The following MICALL2 variants were observed in gnomAD, a reference collection of about 807,000 sequenced individuals.
MICALL2 encodes the protein MICAL like 2, also known as MICAL-like protein 2.
Under a neutral mutation model 91.1 loss-of-function variants are expected in MICALL2, and 111 were observed. The ratio of observed to expected loss-of-function variants is 1.22; its 90% confidence interval spans 1.04 to 1.43. The LOEUF is 1.43. Ranked by LOEUF, MICALL2 falls within the 40% of genes most tolerant of loss-of-function variation. The pLI, the probability that MICALL2 is intolerant of heterozygous loss-of-function variation, is 0.00. For synonymous variants in MICALL2, 694 were observed against 525.3 expected, an observed-to-expected ratio of 1.32 and a Z score of -4.39; for missense variants, 1,556 against 1,236.0, an observed-to-expected ratio of 1.26 and a Z score of -3.88.
chr7:1,440,666 T>C lies in MICALL2; in HGVS notation c.1730A>G (p.Gln577Arg). ...TLTQDMSTSL[Q>R]EGQEDGPAGW... ...TGCCGGCCCGTCCTCCTGGCCTTCCTGGAGGCTGGTGCTCATGTCTGGGTG... is the reference window on the plus strand; with the variant it reads ...TGCCGGCCCGTCCTCCTGGCCTTCCCGGAGGCTGGTGCTCATGTCTGGGTG... The change falls in exon 8 of 17, where the codon CAG becomes CGG. Residue 577 changes from glutamine (Q) to arginine (R), a missense_variant. Coordinates refer to ENST00000297508, the MANE Select transcript of MICALL2 (RefSeq NM_182924.4). The C allele has an allele frequency of 6.2e-7, 1 of 1,612,022 alleles. No homozygotes were observed. Among genetic ancestry groups the C allele is most frequent in the Non-Finnish European group, 8.5e-7 (1 of 1,179,810 alleles).
chr7:1,445,713 A>G (rs1332253349), intron 5 of MICALL2, among the ~76,000 whole-genome samples: 1 of 152,210 alleles, frequency 6.6e-6, no homozygotes, highest in Non-Finnish European at 1.5e-5. Context: ...TGCAAACCCC[A>G]GAGGGTGCTT....
rs758333198 is a variant in MICALL2, at chr7:1,444,888, G to A, written c.1182C>T (p.Ser394=). The part of the protein sequence containing the change: ...VAAPQTTLSS[S]STSAATVDPP... ...GGTCCACCGTGGCTGCAGATGTGGA[G>A]CTTGAACTGAGTGTGGTTTGAGGAG... Residue 394 remains serine (S), a synonymous_variant, in exon 6 of 17, where the codon AGC becomes AGT. Transcript: ENST00000297508. 3.2e-6 allele frequency: 5 copies of A among 1,582,920 alleles called. No individual in the cohort carries two copies. The East Asian group carries it at 6.8e-5, about 22-fold the overall frequency.
intron 16 of MICALL2, 120 bp downstream of exon 16, chr7:1,434,981 A>AGGGCCCCCCC: frequency 2.7e-6 from 1 of 372,302 alleles, no homozygotes; most frequent in Non-Finnish European, 4.9e-6. Flanking sequence ...GGGACCCGAT[A>AGGGCCCCCCC]CCCGCCCCCC....
rs566540682 is a variant in MICALL2 at position 1,435,013 on chromosome 7, C to T, written c.2638+88G>A. 4.1e-4 allele frequency: 271 copies of T among 664,780 alleles called. 1 individual carries two copies. Among genetic ancestry groups the T allele is most frequent in the South Asian group, 8.9e-4 (56 of 62,972 alleles). 41.2% of individuals were successfully genotyped at this position (664,780 alleles called of 1,614,324 possible). A position where few individuals can be genotyped will look rare whatever the true frequency, so the allele number is the denominator to read the frequency against. On this transcript the variant is annotated intron_variant, in intron 16 of 16. Coordinates refer to ENST00000297508, the MANE Select transcript of MICALL2 (RefSeq NM_182924.4). ...CCCCCCCCACCCCCAGCTGGAGGCC[C>T]GGTCCACCCAGCCAGCCAGCCCAGC...
At chr7:1,459,089 T>C in intron 1 of MICALL2, 95 bp downstream of exon 1, 3 of 1,327,504 alleles carry the variant, frequency 2.3e-6, no homozygotes, top group Non-Finnish European at 3.1e-6. Flanking sequence ...ACGCCTCGGC[T>C]CCCCATCCCC....
At chr7:1,450,996 G>A (rs990387714) in intron 1 of MICALL2, among the ~76,000 whole-genome samples, 4 of 152,316 alleles carry the variant, frequency 2.6e-5, no homozygotes, top group African/African-American at 4.8e-5. Flanking sequence ...GTCACACAGC[G>A]GGGAGACAGC....
At chr7:1,455,383 C>T (rs998495000) in intron 1 of MICALL2, among the ~76,000 whole-genome samples, 3 of 152,304 alleles carry the variant, frequency 2.0e-5, no homozygotes, top group Non-Finnish European at 4.4e-5. Flanking sequence ...CGGGGGCAGG[C>T]GCCCTGAGGC....
chr7:1,439,349 C>A, intron 9 of MICALL2: 2 of 259,480 alleles, frequency 7.7e-6, no homozygotes, highest in South Asian at 9.0e-5. Context: ...GACACACATG[C>A]ATCACATTCA....
chr7:1,438,430 C>T, intron 10 of MICALL2, 77 bp from the exon 11 acceptor site: 1 of 1,540,052 alleles, frequency 6.5e-7, no homozygotes, highest in South Asian at 1.2e-5. Context: ...TTGGAAGGAG[C>T]CTGACCTCAG....
intron 1 of MICALL2, 191 bp from the exon 2 acceptor site, chr7:1,450,479 CTG>C (rs1267474245): frequency 5.0e-6 from 3 of 599,274 alleles, no homozygotes; most frequent in Non-Finnish European, 9.2e-6. Context: ...CACGGTGATG[CTG>C]CTGGGACCGT....
At chr7:1,458,179 G>A (rs1231714891) in intron 1 of MICALL2, among the ~76,000 whole-genome samples, 1 of 152,240 alleles carries the variant, frequency 6.6e-6, no homozygotes, top group Non-Finnish European at 1.5e-5. Flanking sequence ...CAGGGGCACA[G>A]GGGAGGAGCC....
chr7:1,439,837 G>A, intron 9 of MICALL2, 88 bp downstream of exon 9: 1 of 1,164,376 alleles, frequency 8.6e-7, no homozygotes, highest in Non-Finnish European at 1.1e-6. Context: ...CCCAGGAGGT[G>A]GCACTACAGG....
intron 7 of MICALL2, chr7:1,441,740 A>G: frequency 5.0e-6 from 1 of 200,942 alleles, no homozygotes; most frequent in Non-Finnish European, 1.0e-5. Context: ...GACGGGGCAT[A>G]GGGCACCATC....
intron 2 of MICALL2, among the ~76,000 whole-genome samples, chr7:1,449,000 G>A (rs928343652): frequency 9.9e-5 from 15 of 152,132 alleles, no homozygotes; most frequent in African/African-American, 1.9e-4. Context: ...TCAAGGCCCC[G>A]TCCAGGTGAA....
chr7:1,455,522 G>GCAGTGGCTCGCGCCCA (rs1469214856), intron 1 of MICALL2, among the ~76,000 whole-genome samples: 70 of 152,144 alleles, frequency 4.6e-4, no homozygotes, highest in Non-Finnish European at 7.4e-4. Flanking sequence ...TTTCCTGGCC[G>GCAGTGGCTCGCGCCCA]TAAAGCGGAG....
At chr7:1,436,357 G>A (rs937246284) in intron 15 of MICALL2, among the ~76,000 whole-genome samples, 13 of 151,678 alleles carry the variant, frequency 8.6e-5, no homozygotes, top group South Asian at 2.1e-4. Context: ...ACTCCAGCCT[G>A]GGCAACAGGA....
intron 10 of MICALL2, 199 bp downstream of exon 10, chr7:1,438,641 G>A (rs113937341): frequency 0.073 from 104,415 of 1,422,390 alleles, 4,167 homozygotes; most frequent in Middle Eastern, 0.12. Flanking sequence ...CCATGAGTCT[G>A]TAACAAGGTA....
rs1780329727 is a variant in MICALL2 at position 1,442,327 on chromosome 7, A to T, written c.1576T>A (p.Ser526Thr). The change falls in exon 7 of 17, where the codon TCT becomes ACT. Residue 526 changes from serine (S) to threonine (T), a missense_variant. By Grantham distance (58) the Ser-to-Thr change is moderately conservative. Transcript: ENST00000297508. Reference protein sequence around the residue: ...PPAPLSTSSTSQASALPPAGR... With the variant: ...PPAPLSTSSTTQASALPPAGR... ...GCCGGGGGCAACGCGGATGCCTGAG[A>T]GGTACTGCTCGTGCTCAGCGGGGCT... is the stretch of plus-strand genomic sequence containing the variant. The T allele has an allele frequency of 1.2e-6, 2 of 1,613,022 alleles. No homozygotes were observed. The highest frequency in any genetic ancestry group is 2.2e-5 in the South Asian group (2 of 91,072).
At chr7:1,438,394 C>T in intron 10 of MICALL2, 41 bp from the exon 11 acceptor site, 1 of 1,572,100 alleles carries the variant, frequency 6.4e-7, no homozygotes, top group Non-Finnish European at 8.6e-7. Flanking sequence ...CCTGGGCCAC[C>T]AGGCCCAACG....
Sources: gnomAD v4.1 joint callset for allele counts (sites outside exome capture counted in the v4.1 genomes callset) on GRCh38, gnomAD v4.1.1 for gene constraint, MANE v1.5 for transcripts, NCBI Gene and HGNC (gene_info 2026-07-23, HGNC 2026-07-21) for gene names.